The following RIMKLB variants were observed in gnomAD, a reference collection of about 807,000 sequenced individuals.
RIMKLB encodes the protein beta-citrylglutamate synthase B.
Under a neutral mutation model 32.0 loss-of-function variants are expected in RIMKLB, and 7 were observed. The observed-to-expected ratio is 0.22, with a 90% CI of 0.12 to 0.41. The LOEUF is 0.41. Ranked by LOEUF, RIMKLB falls within the 10% of genes least tolerant of loss-of-function variation. The probability of loss-of-function intolerance (pLI) is 1.00; values close to 1 mark genes in which losing one functional copy is unlikely to be tolerated. For synonymous variants in RIMKLB, 172 were observed against 185.1 expected (o/e 0.93, Z 0.57); for missense variants, 289 against 498.7 (o/e 0.58, Z 4.00).
chr12:8,689,477 A>C (rs748529209), intron 1 of RIMKLB, among the ~76,000 whole-genome samples: 4 of 152,270 alleles, frequency 2.6e-5, no homozygotes, highest in Non-Finnish European at 5.9e-5. Context: ...CAAAATAATT[A>C]ATAGAAATTA....
At chr12:8,699,966 A>G (rs917621526) in intron 1 of RIMKLB, 3 of 152,242 alleles carry the variant, frequency 2.0e-5, no homozygotes, top group African/African-American at 7.2e-5. Flanking sequence ...CCGGTTGGCT[A>G]CCAGCTAAAA....
chr12:8,691,891 G>A (rs1942743932), intron 1 of RIMKLB, among the ~76,000 whole-genome samples: 1 of 152,130 alleles, frequency 6.6e-6, no homozygotes, highest in South Asian at 2.1e-4. Flanking sequence ...TGACACAGAT[G>A]TGTGACAGAT....
At chr12:8,778,369 T>A (rs992291275), downstream of RIMKLB, among the ~76,000 whole-genome samples, 1 of 152,174 alleles carries the variant, frequency 6.6e-6, no homozygotes, top group Non-Finnish European at 1.5e-5. Flanking sequence ...TACAAAAAAA[T>A]TTAGTTCTTT....
At chr12:8,718,253 G>A (rs1294702510) in intron 2 of RIMKLB, among the ~76,000 whole-genome samples, 1 of 152,094 alleles carries the variant, frequency 6.6e-6, no homozygotes, top group Non-Finnish European at 1.5e-5. Flanking sequence ...TAATTTGTCT[G>A]TCTTTGATTA....
chr12:8,695,214 GC>G (rs1477486023), upstream of RIMKLB, among the ~76,000 whole-genome samples: 2 of 47,276 alleles, frequency 4.2e-5, no homozygotes, highest in East Asian at 1.0e-3. Flanking sequence ...GCCCCGCCCG[GC>G]CCCGACACCT....
intron 5 of RIMKLB, among the ~76,000 whole-genome samples, chr12:8,765,477 G>A (rs1949878732): frequency 6.6e-6 from 1 of 152,150 alleles, no homozygotes; most frequent in Non-Finnish European, 1.5e-5. Context: ...TTTGGTGTTA[G>A]TGTCTGATTT....
chr12:8,670,845 C>G, the RIMKLB span, among the ~76,000 whole-genome samples: 1 of 152,252 alleles, frequency 6.6e-6, no homozygotes, highest in Non-Finnish European at 1.5e-5. Context: ...CCAGGCATTT[C>G]CATACATCTT....
intron 1 of RIMKLB, among the ~76,000 whole-genome samples, chr12:8,683,192 G>A (rs1032211526): frequency 1.3e-5 from 2 of 152,014 alleles, no homozygotes; most frequent in African/African-American, 4.8e-5. Context: ...CACAAGTTTT[G>A]GCAATTATGA....
chr12:8,747,068 G>T (rs1278441901), intron 2 of RIMKLB, among the ~76,000 whole-genome samples: 4 of 152,098 alleles, frequency 2.6e-5, no homozygotes, highest in African/African-American at 7.2e-5. Flanking sequence ...CATCTTGGTG[G>T]TGGATTCTCA....
intron 1 of RIMKLB, among the ~76,000 whole-genome samples, chr12:8,700,819 A>G (rs1943325459): frequency 6.6e-6 from 1 of 152,172 alleles, no homozygotes; most frequent in Non-Finnish European, 1.5e-5. Flanking sequence ...TAATCCCAGC[A>G]CTTTGGGAGG....
intron 2 of RIMKLB, among the ~76,000 whole-genome samples, chr12:8,717,746 C>T (rs1247079971): frequency 6.6e-6 from 1 of 152,166 alleles, no homozygotes; most frequent in African/African-American, 2.4e-5. Context: ...ACTTTAAACT[C>T]ATCTTCTAAC....
intron 1 of RIMKLB, among the ~76,000 whole-genome samples, chr12:8,703,648 G>C (rs1229075493): frequency 6.6e-5 from 10 of 152,008 alleles, no homozygotes; most frequent in Non-Finnish European, 1.3e-4. Flanking sequence ...TCAAACTCCT[G>C]GCCTCAAGCA....
intron 5 of RIMKLB, among the ~76,000 whole-genome samples, chr12:8,754,463 A>T (rs771893090): frequency 5.9e-5 from 9 of 152,184 alleles, no homozygotes; most frequent in Non-Finnish European, 1.2e-4. Context: ...TGGTCCAAAC[A>T]AGATTGCTGA....
chr12:8,777,137 T>G lies in RIMKLB; in HGVS notation c.*3353T>G. 1 of 985,178 alleles carries G rather than the reference T, an allele frequency of 1.0e-6. No homozygotes were observed. Among genetic ancestry groups the G allele is most frequent in the Non-Finnish European group, 1.2e-6 (1 of 829,450 alleles). The allele number at this position is 985,178 out of a possible 1,614,324, so 61.0% of individuals were successfully genotyped here. On this transcript the variant is annotated 3_prime_UTR_variant, in exon 6 of 6. Coordinates refer to ENST00000535829, the MANE Select transcript of RIMKLB (RefSeq NM_001297776.2). ...TTGTTCAATTTTATTTAAGATTTGTTTTTGTTGTACTAGGATTTTAAAAAA... is the reference window on the plus strand; with the variant it reads ...TTGTTCAATTTTATTTAAGATTTGTGTTTGTTGTACTAGGATTTTAAAAAA...
chr12:8,705,638 G>A (rs1943808465), intron 1 of RIMKLB, among the ~76,000 whole-genome samples: 2 of 152,090 alleles, frequency 1.3e-5, no homozygotes, highest in African/African-American at 2.4e-5. Context: ...GGTTCTCCAG[G>A]GAAATAGACT....
chr12:8,748,957 T>A (rs1434722325), intron 2 of RIMKLB, among the ~76,000 whole-genome samples: 3 of 152,080 alleles, frequency 2.0e-5, no homozygotes, highest in Non-Finnish European at 2.9e-5. Flanking sequence ...GCAACTCATA[T>A]AAATACCTTG....
Position 8,774,551 on chromosome 12 carries a change from A to G in RIMKLB, c.*767A>G. ...TGTTAGTGTTTTAGTCTTTTTTGAA[A>G]GATGTGCTCTGTTAATGTTGCTTTT... On this transcript the variant is annotated 3_prime_UTR_variant, in exon 6 of 6. Coordinates refer to ENST00000535829, the MANE Select transcript of RIMKLB (RefSeq NM_001297776.2). The G allele has an allele frequency of 1.0e-6, 1 of 983,166 alleles. No individual in the cohort carries two copies. 60.9% of individuals were successfully genotyped at this position (983,166 alleles called of 1,614,324 possible). A position where few individuals can be genotyped will look rare whatever the true frequency, so the allele number is the denominator to read the frequency against.
upstream of RIMKLB, among the ~76,000 whole-genome samples, chr12:8,692,951 G>T (rs1191414669): frequency 6.6e-6 from 1 of 152,186 alleles, no homozygotes; most frequent in Non-Finnish European, 1.5e-5. Flanking sequence ...CAGTTATAAC[G>T]TTAGATAATC....
At chr12:8,731,286 C>G (rs1389627993) in intron 2 of RIMKLB, among the ~76,000 whole-genome samples, 3 of 147,504 alleles carry the variant, frequency 2.0e-5, no homozygotes, top group Non-Finnish European at 4.5e-5. Flanking sequence ...GTAGTAGAGA[C>G]AGGGTTTCGC....
Sources: allele counts gnomAD v4.1 joint callset (sites outside exome capture counted in the v4.1 genomes callset), GRCh38; gene constraint gnomAD v4.1.1; transcripts MANE v1.5; gene names NCBI Gene and HGNC (gene_info 2026-07-23, HGNC 2026-07-21).